The following VASH2 variants were observed in gnomAD, a reference collection of about 807,000 sequenced individuals.
VASH2 encodes the protein vasohibin 2, also known as tubulinyl-Tyr carboxypeptidase 2.
VASH2 carries 28 observed loss-of-function variants against 37.2 expected under a neutral mutation model. The ratio of observed to expected loss-of-function variants is 0.75; its 90% CI spans 0.56 to 1.03. The LOEUF is 1.03. Ranked by LOEUF, VASH2 falls within the 50% of genes least tolerant of loss-of-function variation. The probability of loss-of-function intolerance (pLI) is 0.00; values close to 1 mark genes in which losing one functional copy is unlikely to be tolerated. For synonymous variants in VASH2, 188 were observed against 174.7 expected (o/e 1.08, Z -0.60); for missense variants, 419 against 459.1 (o/e 0.91, Z 0.80).
intron 4 of VASH2, 135 bp downstream of exon 4, chr1:212,965,913 C>G: frequency 1.2e-6 from 1 of 863,716 alleles, no homozygotes; most frequent in Non-Finnish European, 1.8e-6. Context: ...GGAGGGTGCC[C>G]CAGGGCCAGG....
chr1:212,961,574 G>T (rs556647128), intron 3 of VASH2, among the ~76,000 whole-genome samples: 4 of 151,934 alleles, frequency 2.6e-5, no homozygotes, highest in African/African-American at 9.7e-5. Flanking sequence ...TTTCTCTTGG[G>T]CATCTTTGTT....
At chr1:212,973,101 G>A (rs1667061237) in intron 6 of VASH2, 140 bp downstream of exon 6, 1 of 1,078,686 alleles carries the variant, frequency 9.3e-7, no homozygotes, top group Non-Finnish European at 1.3e-6. Flanking sequence ...ACATACTACT[G>A]CAAAGAAAGC....
intron 6 of VASH2, 135 bp downstream of exon 6, chr1:212,973,096 C>T: frequency 8.8e-7 from 1 of 1,138,972 alleles, no homozygotes; most frequent in Non-Finnish European, 1.2e-6. Context: ...TTTGCACATA[C>T]TACTGCAAAG....
intron 7 of VASH2, among the ~76,000 whole-genome samples, chr1:212,981,109 A>G (rs1667326060): frequency 6.6e-6 from 1 of 152,224 alleles, no homozygotes; most frequent in Non-Finnish European, 1.5e-5. Flanking sequence ...TGTCCCGGAA[A>G]GGAGAAGTGA....
chr1:212,963,875 A>C (rs976298400), intron 3 of VASH2, among the ~76,000 whole-genome samples: 4 of 152,154 alleles, frequency 2.6e-5, no homozygotes, highest in African/African-American at 9.7e-5. Flanking sequence ...TTGCCAATTG[A>C]ATTCTACTTT....
intron 2 of VASH2, among the ~76,000 whole-genome samples, chr1:212,956,573 C>T (rs1375988759): frequency 6.6e-6 from 1 of 152,136 alleles, no homozygotes; most frequent in Non-Finnish European, 1.5e-5. Context: ...TGAGGAGGGA[C>T]CCCAGTCACG....
intron 7 of VASH2, among the ~76,000 whole-genome samples, chr1:212,976,161 G>A (rs185707738): frequency 9.9e-5 from 15 of 152,274 alleles, no homozygotes; most frequent in Admixed American, 7.2e-4. Flanking sequence ...TCGGCATTGG[G>A]GGAGCTGCTA....
intron 2 of VASH2, among the ~76,000 whole-genome samples, chr1:212,953,245 T>C (rs1014602663): frequency 2.6e-5 from 4 of 151,730 alleles, no homozygotes; most frequent in Admixed American, 2.6e-4. Flanking sequence ...GGGGGTGCAT[T>C]CTCTATGTGG....
rs148724128 is a variant in VASH2 at position 212,974,194 on chromosome 1, G to A, written c.995+124G>A. On this transcript the variant is annotated intron_variant, in intron 7 of 7. Coordinates refer to ENST00000517399, the MANE Select transcript of VASH2 (RefSeq NM_001301056.2). ...TTGAACCTGACAGCAATCTCCAAGA[G>A]GACTGCCCCTCATTCAGGGGACATC... The A allele has an allele frequency of 1.9e-5, 23 of 1,241,564 alleles. No individual in the cohort carries two copies. In the African/African-American group the frequency reaches 2.4e-4, roughly 13 times the overall value. 76.9% of individuals were successfully genotyped at this position (1,241,564 alleles called of 1,614,324 possible).
intron 2 of VASH2, among the ~76,000 whole-genome samples, chr1:212,956,512 T>G (rs1039314862): frequency 6.6e-6 from 1 of 152,064 alleles, no homozygotes; most frequent in African/African-American, 2.4e-5. Context: ...AAAGACAAAG[T>G]TGGAGTTTCA....
intron 3 of VASH2, among the ~76,000 whole-genome samples, chr1:212,962,564 TG>T (rs1666710813): frequency 6.6e-6 from 1 of 152,192 alleles, no homozygotes; most frequent in South Asian, 2.1e-4. Flanking sequence ...GTGTCTTCCT[TG>T]CAGGGACCGA....
intron 3 of VASH2, chr1:212,961,499 C>T: frequency 1.5e-6 from 1 of 654,250 alleles, no homozygotes; most frequent in Non-Finnish European, 2.4e-6. Context: ...CTCCTCTTCC[C>T]TGTCCTTTCC....
At chr1:212,976,278 G>C (rs990314219) in intron 7 of VASH2, among the ~76,000 whole-genome samples, 1 of 152,156 alleles carries the variant, frequency 6.6e-6, no homozygotes, top group African/African-American at 2.4e-5. Context: ...TGTGAGCAAA[G>C]AAAGAAGAGA....
At chr1:212,981,610 T>G (rs1667340712) in intron 7 of VASH2, among the ~76,000 whole-genome samples, 1 of 152,166 alleles carries the variant, frequency 6.6e-6, no homozygotes, top group Admixed American at 6.5e-5. Flanking sequence ...AGTCTAACGT[T>G]TACAGTGGCA....
chr1:212,967,511 G>A (rs900488173), intron 5 of VASH2: 6 of 1,068,484 alleles, frequency 5.6e-6, no homozygotes, highest in Non-Finnish European at 7.0e-6. Context: ...GTCCTTGAGC[G>A]CTGTGCTGAG....
chr1:212,959,100 C>T (rs937791339), intron 2 of VASH2, among the ~76,000 whole-genome samples: 8 of 152,164 alleles, frequency 5.3e-5, no homozygotes, highest in Admixed American at 6.5e-5. Flanking sequence ...CTCGTTCGTT[C>T]GTACAGGGCC....
intron 3 of VASH2, 83 bp downstream of exon 3, chr1:212,961,337 G>A: frequency 6.2e-7 from 1 of 1,604,292 alleles, no homozygotes; most frequent in South Asian, 1.1e-5. Context: ...TCTGTCCCCA[G>A]CTGGTCATCA....
intron 2 of VASH2, among the ~76,000 whole-genome samples, chr1:212,954,094 G>A (rs368027046): frequency 6.6e-6 from 1 of 152,000 alleles, no homozygotes; most frequent in Middle Eastern, 3.2e-3. Flanking sequence ...AAAAAATTTT[G>A]TAGAGACAAG....
At chr1:212,963,885 T>C (rs1356304664) in intron 3 of VASH2, among the ~76,000 whole-genome samples, 1 of 152,232 alleles carries the variant, frequency 6.6e-6, no homozygotes, top group East Asian at 1.9e-4. Context: ...AATTCTACTT[T>C]ATGTACCAGG....
Sources: gnomAD v4.1 joint callset for allele counts (sites outside exome capture counted in the v4.1 genomes callset) on GRCh38, gnomAD v4.1.1 for gene constraint, MANE v1.5 for transcripts, NCBI Gene and HGNC (gene_info 2026-07-23, HGNC 2026-07-21) for gene names.